Variants in CDKN3 observed in about 807,000 individuals in gnomAD.
The protein encoded by CDKN3 is cyclin-dependent kinase inhibitor 3.
A neutral mutation model predicts 36.1 loss-of-function variants in CDKN3; 19 were observed. That is an observed-to-expected ratio of 0.53 (90% CI 0.37 to 0.77). The LOEUF is 0.77. Among genes scored for constraint, CDKN3 ranks in the 30% least tolerant of loss-of-function variants. CDKN3 has a pLI of 0.00. For missense variants in CDKN3, 188 were observed against 248.6 expected (o/e 0.76, Z 1.64); for synonymous variants, 71 against 85.3 (o/e 0.83, Z 0.92).
At chr14:54,405,374 A>G (rs2030120242) in intron 3 of CDKN3, among the ~76,000 whole-genome samples, 1 of 152,184 alleles carries the variant, frequency 6.6e-6, no homozygotes, top group Admixed American at 6.5e-5. Context: ...TCCAGAGCTG[A>G]GTTCAAGTTC....
chr14:54,410,282 A>G (rs1353979802), intron 4 of CDKN3, among the ~76,000 whole-genome samples: 1 of 152,204 alleles, frequency 6.6e-6, no homozygotes, highest in Non-Finnish European at 1.5e-5. Context: ...AGAAAGTTGG[A>G]AAATCACTGG....
chr14:54,397,227 C>G, intron 1 of CDKN3, 150 bp downstream of exon 1: 1 of 927,854 alleles, frequency 1.1e-6, no homozygotes, highest in South Asian at 2.3e-5. Context: ...GTGACTCGCA[C>G]GGGCCCAGCA....
intron 4 of CDKN3, 73 bp from the exon 5 acceptor site, chr14:54,411,411 C>T: frequency 8.8e-7 from 1 of 1,141,642 alleles, no homozygotes; most frequent in South Asian, 1.4e-5. Context: ...ATTTCATATT[C>T]TCCCTCTTGA....
At chr14:54,405,851 T>A (rs2030135749) in intron 3 of CDKN3, among the ~76,000 whole-genome samples, 2 of 152,230 alleles carry the variant, frequency 1.3e-5, no homozygotes, top group Non-Finnish European at 2.9e-5. Context: ...AAGGTCAATA[T>A]TGTTATGTGT....
intron 7 of CDKN3, chr14:54,418,311 G>A (rs891790255): frequency 2.9e-5 from 20 of 694,564 alleles, no homozygotes; most frequent in East Asian, 8.1e-5. Context: ...AACTTGGTAC[G>A]TTCTTGGGTA....
intron 7 of CDKN3, chr14:54,418,440 AG>A (rs2030621038): frequency 5.0e-6 from 3 of 597,038 alleles, no homozygotes; most frequent in African/African-American, 1.9e-5. Flanking sequence ...CCTTTGCAGT[AG>A]ATAACTGGGG....
At chr14:54,407,103 C>G (rs2030186984) in intron 3 of CDKN3, among the ~76,000 whole-genome samples, 1 of 152,312 alleles carries the variant, frequency 6.6e-6, no homozygotes, top group East Asian at 1.9e-4. Flanking sequence ...TCAGGCCCCT[C>G]TTCTGCAGGT....
chr14:54,416,124 T>C lies in CDKN3; in HGVS notation c.448+194T>C, dbSNP rs531437368. On this transcript the variant is annotated intron_variant, in intron 6 of 7. Transcript: ENST00000335183. The stretch of plus-strand genomic sequence containing the variant: ...GGAGTGGGAGGTATTTTCAGCATTG[T>C]TCTGGAGGATTCTGGCAAAACATCA... Among the ~76,000 whole-genome samples, 13 of 152,312 alleles carry C rather than the reference T, an allele frequency of 8.5e-5. No individual in the cohort carries two copies. In the South Asian group the frequency reaches 2.7e-3, roughly 32 times the overall value.
chr14:54,400,016 A>G (rs767014043), intron 2 of CDKN3, 40 bp downstream of exon 2: 1 of 895,906 alleles, frequency 1.1e-6, no homozygotes, highest in Non-Finnish European at 1.9e-6. Flanking sequence ...CTAAAATCAC[A>G]ATCTACATCA....
intron 5 of CDKN3, among the ~76,000 whole-genome samples, chr14:54,412,404 T>C (rs2030390690): frequency 6.7e-6 from 1 of 149,800 alleles, no homozygotes; most frequent in African/African-American, 2.5e-5. Flanking sequence ...ATAAAGAAAG[T>C]CGATTTTTTC....
chr14:54,406,000 G>C (rs2030142423), intron 3 of CDKN3, among the ~76,000 whole-genome samples: 1 of 152,158 alleles, frequency 6.6e-6, no homozygotes, highest in South Asian at 2.1e-4. Context: ...CAGGTTTAGT[G>C]CTTCCTTCAG....
intron 7 of CDKN3, among the ~76,000 whole-genome samples, chr14:54,419,137 G>A (rs1476161223): frequency 1.3e-5 from 2 of 149,410 alleles, no homozygotes; most frequent in Non-Finnish European, 3.0e-5. Flanking sequence ...CAGCCTGGGC[G>A]ACAAAGTGAG....
intron 6 of CDKN3, 115 bp from the exon 7 acceptor site, chr14:54,417,732 CA>C (rs2030596141): frequency 1.9e-6 from 1 of 538,080 alleles, no homozygotes; most frequent in African/African-American, 1.9e-5. Context: ...TCTTTTAATT[CA>C]TTTGGAACAA....
At chr14:54,412,905 A>G (rs1320550065) in intron 5 of CDKN3, 1 of 513,704 alleles carries the variant, frequency 1.9e-6, no homozygotes. Flanking sequence ...GCTTTGAGCT[A>G]GAAGTATAGA....
intron 7 of CDKN3, among the ~76,000 whole-genome samples, chr14:54,419,236 T>C (rs1236111565): frequency 6.6e-6 from 1 of 151,670 alleles, no homozygotes; most frequent in Non-Finnish European, 1.5e-5. Flanking sequence ...TACATGGCCA[T>C]GGCCAGATGT....
chr14:54,414,208 G>C (rs2030454532), intron 5 of CDKN3: 1 of 153,216 alleles, frequency 6.5e-6, no homozygotes, highest in East Asian at 1.9e-4. Context: ...CCCACTCACA[G>C]GTACAGGATA....
chr14:54,402,309 CGTGTGTGT>C lies in CDKN3; in HGVS notation c.148+749_148+756del, dbSNP rs35529322. Among the ~76,000 whole-genome samples, 19 of 147,824 alleles carry C rather than the reference CGTGTGTGT, an allele frequency of 1.3e-4. No individual in the cohort carries two copies. The East Asian group carries it at 1.4e-3, about 11-fold the overall frequency. Reference sequence around the variant, plus strand: ...AGTAGTATTCCATGGCATGTGTGTGCGTGTGTGTGTGTGTGTGTGTGTGTGTATGTATA... The same window carrying C: ...AGTAGTATTCCATGGCATGTGTGTGCGTGTGTGTGTGTGTGTGTATGTATA... On this transcript the variant is annotated intron_variant, in intron 3 of 7. Coordinates refer to ENST00000335183, the MANE Select transcript of CDKN3 (RefSeq NM_005192.4).
At chr14:54,409,630 C>G (rs979107042) in intron 4 of CDKN3, among the ~76,000 whole-genome samples, 1 of 151,914 alleles carries the variant, frequency 6.6e-6, no homozygotes, top group Non-Finnish European at 1.5e-5. Context: ...CTCAGGAGTT[C>G]GAGACCAGCC....
intron 4 of CDKN3, 136 bp from the exon 5 acceptor site, chr14:54,411,348 G>A (rs2030345984): frequency 1.6e-6 from 1 of 641,628 alleles, no homozygotes; most frequent in East Asian, 2.7e-5. Flanking sequence ...ATATCAATAG[G>A]CACTTCAGAT....
Sources: gnomAD v4.1 joint callset for allele counts (sites outside exome capture counted in the v4.1 genomes callset) on GRCh38, gnomAD v4.1.1 for gene constraint, MANE v1.5 for transcripts, NCBI Gene and HGNC (gene_info 2026-07-23, HGNC 2026-07-21) for gene names.